Variants in TANC2 observed in about 807,000 individuals in gnomAD.
The protein encoded by TANC2 is protein TANC2.
TANC2 carries 26 observed loss-of-function variants against 210.5 expected under a neutral mutation model. The ratio of observed to expected loss-of-function variants is 0.12; its 90% CI spans 0.09 to 0.17. TANC2 has a LOEUF of 0.17. Ranked by LOEUF, TANC2 falls within the 10% of genes least tolerant of loss-of-function variation. The pLI is 1.00. For synonymous variants in TANC2, 931 were observed against 967.1 expected (o/e 0.96, Z 0.69); for missense variants, 2,129 against 2,608.9 (o/e 0.82, Z 4.01).
chr17:63,310,166 G>A (rs1354836967), intron 9 of TANC2, among the ~76,000 whole-genome samples: 1 of 152,212 alleles, frequency 6.6e-6, no homozygotes, highest in Admixed American at 6.5e-5. Context: ...AGAAGGAAGA[G>A]GCCAGGTTTG....
At chr17:63,343,374 A>G (rs558956938) in intron 12 of TANC2, among the ~76,000 whole-genome samples, 76 of 152,372 alleles carry the variant, frequency 5.0e-4, no homozygotes, top group East Asian at 1.9e-4. Flanking sequence ...AAAAGGGCCA[A>G]CTCATCAGGA....
chr17:62,993,774 T>TA (rs1001840280), intron 1 of TANC2, among the ~76,000 whole-genome samples: 9 of 150,732 alleles, frequency 6.0e-5, no homozygotes, highest in African/African-American at 1.5e-4. Context: ...AAAAGAAAAA[T>TA]AAAAAAAAAT....
intron 3 of TANC2, among the ~76,000 whole-genome samples, chr17:63,098,431 TACACACAC>T (rs67245738): frequency 0.01 from 956 of 93,270 alleles, 8 homozygotes; most frequent in South Asian, 0.024. Flanking sequence ...GGCCTTAGAC[TACACACAC>T]ACACACACAC....
At chr17:63,350,523 A>G (rs1010070612) in intron 12 of TANC2, among the ~76,000 whole-genome samples, 14 of 152,222 alleles carry the variant, frequency 9.2e-5, no homozygotes, top group East Asian at 1.9e-4. Context: ...GATTTTGTCA[A>G]TGCCGGATCA....
At chr17:63,046,620 T>C (rs545651773) in intron 2 of TANC2, among the ~76,000 whole-genome samples, 52 of 152,020 alleles carry the variant, frequency 3.4e-4, no homozygotes, top group African/African-American at 1.2e-3. Context: ...ACACCCGGCC[T>C]TTAATAAATT....
chr17:62,991,639 C>CAAAA (rs576514397), intron 1 of TANC2, among the ~76,000 whole-genome samples: 1 of 62,642 alleles, frequency 1.6e-5, no homozygotes, highest in Non-Finnish European at 3.5e-5. Flanking sequence ...GACTCCGTCT[C>CAAAA]AAAAAAAAAA....
chr17:63,399,702 G>T (rs147332389), intron 19 of TANC2, among the ~76,000 whole-genome samples: 3 of 152,194 alleles, frequency 2.0e-5, no homozygotes, highest in Non-Finnish European at 4.4e-5. Context: ...AATCTAGGGA[G>T]AATATTTTAC....
intron 2 of TANC2, among the ~76,000 whole-genome samples, chr17:63,043,201 A>G (rs910119106): frequency 6.6e-6 from 1 of 152,076 alleles, no homozygotes; most frequent in Non-Finnish European, 1.5e-5. Flanking sequence ...CTTGTCTCTC[A>G]CATTGTAAAG....
At chr17:63,286,907 GGT>G (rs957711544) in intron 9 of TANC2, among the ~76,000 whole-genome samples, 10 of 151,760 alleles carry the variant, frequency 6.6e-5, no homozygotes, top group African/African-American at 1.7e-4. Context: ...ACTTCAGCTG[GGT>G]GTGTGTGTGT....
intron 2 of TANC2, among the ~76,000 whole-genome samples, chr17:63,057,827 C>G (rs1230318512): frequency 6.6e-6 from 1 of 152,160 alleles, no homozygotes; most frequent in Non-Finnish European, 1.5e-5. Flanking sequence ...GTTACCCAGT[C>G]TGCCATTGAT....
intron 8 of TANC2, among the ~76,000 whole-genome samples, chr17:63,255,146 C>T (rs982674849): frequency 6.6e-6 from 1 of 151,210 alleles, no homozygotes; most frequent in African/African-American, 2.4e-5. Context: ...ACTCTGTCCC[C>T]CAGGCTGGAG....
intron 14 of TANC2, among the ~76,000 whole-genome samples, chr17:63,368,938 A>G (rs2047185938): frequency 1.3e-5 from 2 of 152,360 alleles, no homozygotes; most frequent in Middle Eastern, 6.8e-3. Context: ...AGGGCAACTT[A>G]AAGTCCTTTT....
chr17:63,202,084 G>C (rs564216541), intron 7 of TANC2, among the ~76,000 whole-genome samples: 2 of 152,212 alleles, frequency 1.3e-5, no homozygotes, highest in East Asian at 3.9e-4. Context: ...AAGAAGAGTA[G>C]GGGAAGAACA....
At chr17:63,294,613 C>T (rs1226186968) in intron 9 of TANC2, among the ~76,000 whole-genome samples, 1 of 152,158 alleles carries the variant, frequency 6.6e-6, no homozygotes, top group Non-Finnish European at 1.5e-5. Flanking sequence ...AATTTTACAA[C>T]AAACACTCAT....
chr17:63,351,484 T>A (rs1353595021), intron 13 of TANC2, 68 bp downstream of exon 13: 1 of 1,354,146 alleles, frequency 7.4e-7, no homozygotes, highest in African/African-American at 1.5e-5. Context: ...GAAAAAGTTC[T>A]AGGTCCTAGT....
rs534634595 is a variant in TANC2 at position 63,300,893 on chromosome 17, A to G, written c.1160-13495A>G. Among the ~76,000 whole-genome samples, 4 of 152,344 alleles carry G rather than the reference A, an allele frequency of 2.6e-5. No individual in the cohort carries two copies. The East Asian group carries it at 7.7e-4, about 29-fold the overall frequency. ...GAATGCTTCCAGCTTTTGCCCATTC[A>G]GTATGATATCAGCTGTGGGTTTGTC... On this transcript the variant is annotated intron_variant, in intron 9 of 27. Transcript: ENST00000689528.
At chr17:63,082,205 A>G (rs2036803389) in intron 3 of TANC2, among the ~76,000 whole-genome samples, 2 of 152,216 alleles carry the variant, frequency 1.3e-5, no homozygotes, top group South Asian at 2.1e-4. Flanking sequence ...ATGAACATCT[A>G]GAAAGATTTT....
intron 4 of TANC2, among the ~76,000 whole-genome samples, chr17:63,138,824 A>C (rs2039183676): frequency 6.6e-6 from 1 of 152,254 alleles, no homozygotes; most frequent in South Asian, 2.1e-4. Context: ...TTAATACAGT[A>C]ACTACAGCTT....
At chr17:63,018,036 A>G (rs1052435230) in intron 2 of TANC2, among the ~76,000 whole-genome samples, 1 of 152,092 alleles carries the variant, frequency 6.6e-6, no homozygotes, top group African/African-American at 2.4e-5. Context: ...GAGGCAGGAG[A>G]ATCACTTGAC....
Sources: allele counts gnomAD v4.1 joint callset (sites outside exome capture counted in the v4.1 genomes callset), GRCh38; gene constraint gnomAD v4.1.1; transcripts MANE v1.5; gene names NCBI Gene and HGNC (gene_info 2026-07-23, HGNC 2026-07-21).